CAND1: variants seen among roughly 807,000 people sequenced by gnomAD.
CAND1 encodes the protein cullin-associated NEDD8-dissociated protein 1.
Under a neutral mutation model 108.5 loss-of-function variants are expected in CAND1, and 7 were observed. The ratio of observed to expected loss-of-function variants is 0.06; its 90% CI spans 0.04 to 0.12. The LOEUF is 0.12. Ranked by LOEUF, CAND1 falls within the 10% of genes least tolerant of loss-of-function variation. The probability of loss-of-function intolerance (pLI) is 1.00; values close to 1 mark genes in which losing one functional copy is unlikely to be tolerated. For missense variants in CAND1, 941 were observed against 1,448.7 expected (o/e 0.65, Z 5.69); for synonymous variants, 534 against 512.0 (o/e 1.04, Z -0.58).
intron 13 of CAND1, chr12:67,311,314 T>C (rs1335283498): frequency 6.6e-6 from 1 of 152,134 alleles, no homozygotes; most frequent in African/African-American, 2.4e-5. Context: ...ATTATGAAAT[T>C]GTGTTCCAGT....
At chr12:67,308,290 G>A (rs1293314503) in intron 11 of CAND1, among the ~76,000 whole-genome samples, 3 of 152,082 alleles carry the variant, frequency 2.0e-5, no homozygotes, top group African/African-American at 4.8e-5. Flanking sequence ...TGCATAGAAA[G>A]GGATTGCCAA....
intron 1 of CAND1, among the ~76,000 whole-genome samples, chr12:67,276,046 C>G (rs772935010): frequency 1.3e-5 from 2 of 152,188 alleles, no homozygotes; most frequent in Non-Finnish European, 2.9e-5. Context: ...TCCCGTCTGT[C>G]TTCTTTAGTC....
chr12:67,274,047 C>G (rs118065693), intron 1 of CAND1, among the ~76,000 whole-genome samples: 2 of 152,130 alleles, frequency 1.3e-5, no homozygotes, highest in Non-Finnish European at 2.9e-5. Flanking sequence ...TCTTTACCCC[C>G]AGAACATGAA....
intron 1 of CAND1, among the ~76,000 whole-genome samples, chr12:67,272,677 T>C (rs1248373621): frequency 6.6e-6 from 1 of 152,004 alleles, no homozygotes; most frequent in Non-Finnish European, 1.5e-5. Context: ...GCAGGGTTTT[T>C]GTTGTTGTTG....
In CAND1 at chr12:67,306,093, G is replaced by C; in HGVS notation, c.2425G>C (p.Ala809Pro). 1.2e-6 allele frequency: 2 copies of C among 1,614,128 alleles called. No homozygotes were observed. The highest frequency in any genetic ancestry group is 1.7e-6 in the Non-Finnish European group (2 of 1,179,992). Reference sequence around the variant, plus strand: ...CAAATGTGTAGCTGCCCTTACTCGAGCATGCCCTAAAGAGGGACCAGCTGT... The same window carrying C: ...CAAATGTGTAGCTGCCCTTACTCGACCATGCCCTAAAGAGGGACCAGCTGT... ...IAKCVAALTR[A>P]CPKEGPAVVG... Residue 809 changes from alanine to proline, a missense_variant, in exon 10 of 15, where the codon GCA (alanine) becomes CCA (proline). By Grantham distance (27) the Ala-to-Pro change is conservative. Transcript: ENST00000545606.
At chr12:67,308,131 A>T (rs932984753) in intron 11 of CAND1, among the ~76,000 whole-genome samples, 1 of 152,030 alleles carries the variant, frequency 6.6e-6, no homozygotes. Flanking sequence ...AGCCAAAAAC[A>T]CCTCAGAATT....
At chr12:67,299,138 C>A in intron 7 of CAND1, 43 bp downstream of exon 7, 1 of 1,471,162 alleles carries the variant, frequency 6.8e-7, no homozygotes, top group Non-Finnish European at 9.0e-7. Flanking sequence ...TTGTGAAAGA[C>A]ACTTATAGAT....
rs1243470048 is a variant in CAND1, at chr12:67,317,928, CTT to C, written c.*5100_*5101del. The C allele has an allele frequency of 2.0e-5, 3 of 152,280 alleles. No homozygotes were observed. Among genetic ancestry groups the C allele is most frequent in the East Asian group, 1.9e-4 (1 of 5,182 alleles). 9.4% of individuals were successfully genotyped at this position (152,280 alleles called of 1,614,324 possible). On this transcript the variant is annotated 3_prime_UTR_variant, in exon 15 of 15. Transcript: ENST00000545606. The stretch of plus-strand genomic sequence containing the variant: ...CATCTTGCCCTGGTTTTTCCTGTCT[CTT>C]TGCTGATGGCATCCCATTTACCCAG...
rs1237607138 is a variant in CAND1 at position 67,304,645 on chromosome 12, A to G, written c.1334A>G (p.Glu445Gly). 1.9e-6 allele frequency: 3 copies of G among 1,613,744 alleles called. No individual in the cohort carries two copies. Among genetic ancestry groups the G allele is most frequent in the Non-Finnish European group, 2.5e-6 (3 of 1,179,922 alleles). Residue 445 changes from glutamate to glycine, a missense_variant, in exon 9 of 15, where the codon GAA becomes GGA. Physicochemically the swap from Glu to Gly is moderately conservative, Grantham distance 98. Around this residue, in one of 9 missense-constraint regions of CAND1, gnomAD observed 697 missense variants for 942.0 expected, o/e 0.74. Coordinates refer to ENST00000545606, the MANE Select transcript of CAND1 (RefSeq NM_018448.5). ...AAAGCTCTTCACAAACAGATGAAAG[A>G]AAAAAGTGTGAAGACCCGACAGTGT... The part of the protein sequence containing the change: ...IVKALHKQMK[E>G]KSVKTRQCCF...
chr12:67,275,864 A>G (rs2044564344), intron 1 of CAND1, among the ~76,000 whole-genome samples: 1 of 152,202 alleles, frequency 6.6e-6, no homozygotes, highest in Admixed American at 6.5e-5. Flanking sequence ...GAATAAAGGA[A>G]TGAGATGGCA....
chr12:67,292,615 A>G lies in CAND1; in HGVS notation c.213-7A>G. On this transcript the variant is annotated splice_region_variant and splice_polypyrimidine_tract_variant and intron_variant, in intron 2 of 14. Transcript: ENST00000545606. Reference sequence around the variant, plus strand: ...TTTTTTTAAACAATTTCTTCTTTGTATTACAGTCTTGGTCCTTTAGTGAGT... The same window carrying G: ...TTTTTTTAAACAATTTCTTCTTTGTGTTACAGTCTTGGTCCTTTAGTGAGT... The G allele has an allele frequency of 3.2e-6, 5 of 1,586,904 alleles. No homozygotes were observed. Among genetic ancestry groups the G allele is most frequent in the Non-Finnish European group, 4.3e-6 (5 of 1,168,508 alleles).
chr12:67,287,797 C>T (rs192360605), intron 2 of CAND1, among the ~76,000 whole-genome samples: 160 of 149,834 alleles, frequency 1.1e-3, no homozygotes, highest in African/African-American at 3.8e-3. Context: ...TCTTTAGCTA[C>T]ATCCTACAAA....
In CAND1 at chr12:67,306,696, T is replaced by G. The variant is rs1323233911; in HGVS notation, c.2929+99T>G. 4 of 910,996 alleles carry G rather than the reference T, an allele frequency of 4.4e-6. No individual in the cohort carries two copies. In the East Asian group the frequency reaches 1.0e-4, roughly 23 times the overall value. The allele number at this position is 910,996 out of a possible 1,614,324, so 56.4% of individuals were successfully genotyped here. On this transcript the variant is annotated intron_variant, in intron 10 of 14. Coordinates refer to ENST00000545606, the MANE Select transcript of CAND1 (RefSeq NM_018448.5). ...AAGTTAAGCCATGTCTATATTTTCT[T>G]AAACCTAAAAGCTAAGTATGTGATG...
intron 9 of CAND1, 85 bp downstream of exon 9, chr12:67,304,831 T>A: frequency 6.8e-7 from 1 of 1,467,220 alleles, no homozygotes; most frequent in Non-Finnish European, 9.3e-7. Context: ...TGTTTCCTTT[T>A]AAAGGAATAT....
intron 4 of CAND1, among the ~76,000 whole-genome samples, chr12:67,295,505 G>C (rs1311751719): frequency 1.3e-5 from 2 of 152,150 alleles, no homozygotes; most frequent in Non-Finnish European, 2.9e-5. Flanking sequence ...GGATTTTCCG[G>C]TTAAAAGAAT....
chr12:67,275,691 A>G (rs1039634507), intron 1 of CAND1, among the ~76,000 whole-genome samples: 8 of 152,200 alleles, frequency 5.3e-5, no homozygotes, highest in African/African-American at 1.9e-4. Context: ...AAGCAAGAGT[A>G]AAATTGTGTT....
At chr12:67,281,805 A>G in intron 1 of CAND1, 105 bp from the exon 2 acceptor site, 1 of 653,734 alleles carries the variant, frequency 1.5e-6, no homozygotes. Context: ...ATAATAAAAG[A>G]TGTTTCTGTT....
At chr12:67,298,591 A>G (rs550678220) in intron 6 of CAND1, among the ~76,000 whole-genome samples, 13 of 152,288 alleles carry the variant, frequency 8.5e-5, no homozygotes, top group African/African-American at 2.6e-4. Flanking sequence ...CTAGGTGAAT[A>G]TGCACTGGCA....
rs900008649 is a variant in CAND1 at position 67,314,784 on chromosome 12, AAC to A, written c.*1956_*1957del. On this transcript the variant is annotated 3_prime_UTR_variant, in exon 15 of 15. Transcript: ENST00000545606. ...GTCTCTTAAGCCAATTCATTTTTCT[AAC>A]AGTTGAAATTCTTTTAGTACTAAAG... 17 of 152,322 alleles carry A rather than the reference AAC, an allele frequency of 1.1e-4. No individual in the cohort carries two copies. The highest frequency in any genetic ancestry group is 1.0e-3 in the Admixed American group (16 of 15,300). The allele number at this position is 152,322 out of a possible 1,614,324, so 9.4% of individuals were successfully genotyped here. A position where few individuals can be genotyped will look rare whatever the true frequency, so the allele number is the denominator to read the frequency against.
Sources: gnomAD v4.1 joint callset for allele counts (sites outside exome capture counted in the v4.1 genomes callset) on GRCh38, gnomAD v4.1.1 for gene constraint, gnomAD v4.1.1 regional missense constraint, MANE v1.5 for transcripts, NCBI Gene and HGNC (gene_info 2026-07-23, HGNC 2026-07-21) for gene names.